The following OOSP1 variants were observed in gnomAD, a reference collection of about 807,000 sequenced individuals.
The protein encoded by OOSP1 is oocyte secreted protein 1, also known as putative oocyte-secreted protein 1 homolog.
Under a neutral mutation model 5.7 loss-of-function variants are expected in OOSP1, and 11 were observed. The ratio of observed to expected loss-of-function variants is 1.94; its 90% CI spans 1.22 to 3.20. The LOEUF (loss-of-function observed/expected upper bound fraction) is 3.20, where lower values mean the gene tolerates loss of function less well. Among genes scored for constraint, OOSP1 ranks in the 30% most tolerant of loss-of-function variants. The pLI, the probability that OOSP1 is intolerant of heterozygous loss-of-function variation, is 0.00. For missense variants in OOSP1, 83 were observed against 54.1 expected, an observed-to-expected ratio of 1.53 and a Z score of -1.67; for synonymous variants, 44 against 20.0, an observed-to-expected ratio of 2.20 and a Z score of -3.20.
chr11:59,954,756 G>C (rs578101731), intron 4 of OOSP1, among the ~76,000 whole-genome samples: 1 of 151,880 alleles, frequency 6.6e-6, no homozygotes, highest in Non-Finnish European at 1.5e-5. Context: ...TAAGCTTCTC[G>C]AGGGTTGGAG....
chr11:59,944,487 C>T (rs1046104258), intron 2 of OOSP1, among the ~76,000 whole-genome samples: 1 of 152,052 alleles, frequency 6.6e-6, no homozygotes, highest in African/African-American at 2.4e-5. Context: ...GAGACGGGAA[C>T]ATTTAAAATT....
exon 5 of OOSP1, chr11:59,957,252 C>G (rs1018179979): frequency 2.5e-6 from 1 of 397,802 alleles, no homozygotes; most frequent in African/African-American, 2.1e-5. Context: ...AAGAACATTA[C>G]CAAGGCGATG....
intron 4 of OOSP1, among the ~76,000 whole-genome samples, chr11:59,950,803 G>C (rs1251363142): frequency 6.6e-6 from 1 of 152,060 alleles, no homozygotes; most frequent in Non-Finnish European, 1.5e-5. Context: ...GAGTACGGCT[G>C]TAAAGAGAAA....
At chr11:59,941,582 G>A (rs953980131) in intron 1 of OOSP1, among the ~76,000 whole-genome samples, 2 of 152,002 alleles carry the variant, frequency 1.3e-5, no homozygotes, top group African/African-American at 4.8e-5. Context: ...GTTTTACCAT[G>A]TTGATCAGAC....
intron 2 of OOSP1, among the ~76,000 whole-genome samples, chr11:59,944,401 G>T (rs531320764): frequency 1.3e-5 from 2 of 152,048 alleles, no homozygotes; most frequent in East Asian, 3.9e-4. Context: ...TGAATAATCT[G>T]GGTGGTGGTA....
In OOSP1 at chr11:59,945,360, A is replaced by T. The variant is rs191261763; in HGVS notation, c.356+94A>T. On this transcript the variant is annotated intron_variant, in intron 3 of 4. Transcript: ENST00000646685. ...ACCTGAAAGGTTAAATGGTACAACC[A>T]GTGATGGGAGTTGGGGAGACACCAA... 5.7e-6 allele frequency: 4 copies of T among 700,322 alleles called. No homozygotes were observed. The Admixed American group carries it at 8.0e-5, about 14-fold the overall frequency. The allele number at this position is 700,322 out of a possible 1,614,324, so 43.4% of individuals were successfully genotyped here. A position where few individuals can be genotyped will look rare whatever the true frequency, so the allele number is the denominator to read the frequency against.
chr11:59,952,583 A>C (rs1853951100), intron 4 of OOSP1, among the ~76,000 whole-genome samples: 1 of 152,162 alleles, frequency 6.6e-6, no homozygotes, highest in Admixed American at 6.6e-5. Flanking sequence ...GAGCCAAGCT[A>C]TTAGTACACA....
At chr11:59,948,825 C>A (rs564377621) in intron 4 of OOSP1, 1 of 397,908 alleles carries the variant, frequency 2.5e-6, no homozygotes, top group African/African-American at 2.1e-5. Flanking sequence ...TTGCTTAGGA[C>A]TGAGGATTTA....
At chr11:59,943,973 A>G (rs543935) in intron 2 of OOSP1, among the ~76,000 whole-genome samples, 1 of 152,238 alleles carries the variant, frequency 6.6e-6, no homozygotes, top group Non-Finnish European at 1.5e-5. Context: ...CACAGAAAGC[A>G]AAAGCAAAAT....
At chr11:59,941,471 C>T (rs558826899) in intron 1 of OOSP1, among the ~76,000 whole-genome samples, 1 of 152,192 alleles carries the variant, frequency 6.6e-6, no homozygotes, top group East Asian at 1.9e-4. Context: ...CCTCTGCCTC[C>T]CAGGTTCACA....
chr11:59,943,038 G>T lies in OOSP1; in HGVS notation c.258+10G>T, dbSNP rs1416418543. On this transcript the variant is annotated intron_variant, in intron 2 of 4. Coordinates refer to ENST00000646685, the Ensembl canonical transcript of OOSP1. Reference sequence around the variant, plus strand: ...TGGTATTGTAACTCAAGTAAGAAATGGCTATCTTACTTAAAACCCAAGTGT... The same window carrying T: ...TGGTATTGTAACTCAAGTAAGAAATTGCTATCTTACTTAAAACCCAAGTGT... The T allele has an allele frequency of 1.4e-6, 1 of 702,296 alleles. No individual in the cohort carries two copies. The highest frequency in any genetic ancestry group is 1.7e-5 in the African/African-American group (1 of 57,164). 43.5% of individuals were successfully genotyped at this position (702,296 alleles called of 1,614,324 possible).
rs61903601 is a variant in OOSP1, at chr11:59,950,073, G to A, written c.486+2211G>A. The stretch of plus-strand genomic sequence containing the variant: ...AGAACCCTGGTTTAGATGTAGCATG[G>A]ATTTCATAGGAAGAGTTCAGGTCAA... On this transcript the variant is annotated intron_variant, in intron 4 of 4. Coordinates refer to ENST00000646685, the Ensembl canonical transcript of OOSP1. 8.7e-3 allele frequency among the ~76,000 whole-genome samples: 1,328 copies of A among 152,258 alleles called. 8 individuals are homozygous for A. Among genetic ancestry groups the A allele is most frequent in the Middle Eastern group, 0.017 (5 of 294 alleles).
At chr11:59,954,225 C>G (rs1853968645) in intron 4 of OOSP1, among the ~76,000 whole-genome samples, 1 of 152,086 alleles carries the variant, frequency 6.6e-6, no homozygotes, top group Non-Finnish European at 1.5e-5. Context: ...TCTTCTTGAC[C>G]AAAATATCAT....
At chr11:59,939,593 C>CT (rs61407778) in intron 1 of OOSP1, among the ~76,000 whole-genome samples, 96,933 of 149,534 alleles carry the variant, frequency 0.65, 31,746 homozygotes, top group Admixed American at 0.72. Context: ...CTCTCTTTTT[C>CT]TTTTTTTTCT....
chr11:59,947,788 A>G (rs1171395555), exon 4 of OOSP1: 18 of 398,818 alleles, frequency 4.5e-5, no homozygotes, highest in Non-Finnish European at 8.9e-6. Context: ...TGACAATGTT[A>G]ATGAATGGGA....
At chr11:59,943,061 T>G (rs1853847493) in intron 2 of OOSP1, 33 bp downstream of exon 2, 1 of 699,302 alleles carries the variant, frequency 1.4e-6, no homozygotes, top group East Asian at 2.7e-5. Context: ...AAAACCCAAG[T>G]GTCCAGGTGT....
At chr11:59,947,033 G>T (rs905512330) in intron 3 of OOSP1, among the ~76,000 whole-genome samples, 12 of 151,704 alleles carry the variant, frequency 7.9e-5, no homozygotes, top group Non-Finnish European at 1.5e-4. Context: ...TAACCATTTT[G>T]ATTAGGTCTT....
At chr11:59,948,585 CCTT>C in intron 4 of OOSP1, 1 of 393,264 alleles carries the variant, frequency 2.5e-6, no homozygotes, top group East Asian at 3.6e-5. Context: ...CCCACTTACA[CCTT>C]CTCCTTCATT....
intron 1 of OOSP1, among the ~76,000 whole-genome samples, chr11:59,939,778 TTCTC>T (rs1218110982): frequency 1.3e-5 from 2 of 151,874 alleles, no homozygotes; most frequent in Admixed American, 6.6e-5. Flanking sequence ...TTTCTCATCT[TTCTC>T]TTTCTTTTCT....
Sources: allele counts gnomAD v4.1 joint callset (sites outside exome capture counted in the v4.1 genomes callset), GRCh38; gene constraint gnomAD v4.1.1; transcripts MANE v1.5; gene names NCBI Gene and HGNC (gene_info 2026-07-23, HGNC 2026-07-21).